GRIP1: variants seen among roughly 807,000 people sequenced by gnomAD.
The protein encoded by GRIP1 is glutamate receptor-interacting protein 1.
Under a neutral mutation model 129.9 loss-of-function variants are expected in GRIP1, and 45 were observed. The observed-to-expected ratio is 0.35, with a 90% CI of 0.27 to 0.44. GRIP1 has a LOEUF of 0.44. GRIP1 is among the 20% of genes least tolerant of loss of function. The probability of loss-of-function intolerance (pLI) is 1.00; values close to 1 mark genes in which losing one functional copy is unlikely to be tolerated. For missense variants in GRIP1, 1,196 were observed against 1,396.8 expected, an observed-to-expected ratio of 0.86 and a Z score of 2.29; for synonymous variants, 530 against 520.8, an observed-to-expected ratio of 1.02 and a Z score of -0.24.
In GRIP1 at chr12:67,023,565, C is replaced by CT. The variant is rs542073871; in HGVS notation, c.58+45484dup. On this transcript the variant is annotated intron_variant, in intron 1 of 1. Coordinates refer to the GRIP1 transcript ENST00000643019. ...ATATGCTAAATCAGTTACCTTTGTT[C>CT]TTTTTTTTTTCAGTTGTTTTTGCTA... Among the ~76,000 whole-genome samples the CT allele has an allele frequency of 9.2e-4, 136 of 148,426 alleles. 1 individual carries two copies. The South Asian group carries it at 0.012, about 13-fold the overall frequency.
chr12:66,368,283 T>C (rs1783554974), intron 23 of GRIP1, among the ~76,000 whole-genome samples: 1 of 152,202 alleles, frequency 6.6e-6, no homozygotes, highest in African/African-American at 2.4e-5. Context: ...CAGATCCTTG[T>C]CCATTCGTTC....
intron 1 of GRIP1, among the ~76,000 whole-genome samples, chr12:66,965,855 G>A (rs2041991008): frequency 6.6e-6 from 1 of 152,128 alleles, no homozygotes; most frequent in Non-Finnish European, 1.5e-5. Context: ...GAATTCCCCA[G>A]AGTTTGGATG....
Position 66,868,296 on chromosome 12 carries a change from A to G in GRIP1, c.58+200754T>C, listed in dbSNP as rs76197898. Among the ~76,000 whole-genome samples, 50 of 152,280 alleles carry G rather than the reference A, an allele frequency of 3.3e-4. 1 individual carries two copies. In the East Asian group the frequency reaches 6.6e-3, roughly 20 times the overall value. On this transcript the variant is annotated intron_variant, in intron 1 of 1. Transcript: ENST00000643019. ...AAGCAACAGAAGCCACCACTGAGATAGAGGAGAAGAAAGACAGTCCCCTTA... is the reference window on the plus strand; with the variant it reads ...AAGCAACAGAAGCCACCACTGAGATGGAGGAGAAGAAAGACAGTCCCCTTA...
chr12:66,366,526 T>C (rs965790747), intron 23 of GRIP1, among the ~76,000 whole-genome samples: 2 of 152,208 alleles, frequency 1.3e-5, no homozygotes, highest in African/African-American at 4.8e-5. Context: ...TGTCCAAGTG[T>C]CATGCCACCA....
intron 1 of GRIP1, among the ~76,000 whole-genome samples, chr12:67,031,486 T>G (rs552268557): frequency 6.6e-6 from 1 of 152,290 alleles, no homozygotes; most frequent in Non-Finnish European, 1.5e-5. Context: ...GAAATTGCTC[T>G]TTTTGAGGTG....
intron 19 of GRIP1, among the ~76,000 whole-genome samples, chr12:66,388,723 T>A (rs1008234111): frequency 2.6e-5 from 4 of 152,172 alleles, no homozygotes; most frequent in African/African-American, 9.7e-5. Flanking sequence ...CTTAAACATA[T>A]CCCTTCTTTC....
chr12:66,447,813 C>T (rs910743247), intron 11 of GRIP1, among the ~76,000 whole-genome samples: 3 of 152,210 alleles, frequency 2.0e-5, no homozygotes, highest in African/African-American at 7.2e-5. Flanking sequence ...CTTCTGCCTT[C>T]ACCATTTACT....
At chr12:66,401,257 A>T (rs1185649284) in intron 16 of GRIP1, among the ~76,000 whole-genome samples, 2 of 152,052 alleles carry the variant, frequency 1.3e-5, no homozygotes, top group Non-Finnish European at 2.9e-5. Context: ...ACTAGGTGCA[A>T]ACTTATTGGT....
intron 1 of GRIP1, among the ~76,000 whole-genome samples, chr12:66,785,735 T>C (rs1468520758): frequency 6.6e-6 from 1 of 151,988 alleles, no homozygotes; most frequent in Non-Finnish European, 1.5e-5. Flanking sequence ...AAACAAAAAC[T>C]TCATTAATAA....
chr12:66,758,280 A>T (rs565865847), intron 1 of GRIP1, among the ~76,000 whole-genome samples: 1 of 152,184 alleles, frequency 6.6e-6, no homozygotes. Context: ...AATGAGGAAC[A>T]AACAAAAGCA....
At chr12:66,440,369 T>A (rs76960576) in intron 13 of GRIP1, among the ~76,000 whole-genome samples, 11,448 of 152,162 alleles carry the variant, frequency 0.075, 1,106 homozygotes, top group East Asian at 0.23. Context: ...ATTTTTTACT[T>A]CAGTCACCCT....
At chr12:66,751,197 A>ACTTT (rs2136617185) in intron 1 of GRIP1, among the ~76,000 whole-genome samples, 1 of 152,332 alleles carries the variant, frequency 6.6e-6, no homozygotes, top group South Asian at 2.1e-4. Flanking sequence ...CCCCCAAAGT[A>ACTTT]CTTTACATTC....
At chr12:66,431,560 T>G (rs1371934927) in intron 14 of GRIP1, among the ~76,000 whole-genome samples, 6 of 152,212 alleles carry the variant, frequency 3.9e-5, no homozygotes, top group Admixed American at 1.3e-4. Context: ...GAACTTTTAT[T>G]TATTTTTTGC....
chr12:67,020,276 G>C (rs773261589), intron 1 of GRIP1, among the ~76,000 whole-genome samples: 7 of 151,982 alleles, frequency 4.6e-5, no homozygotes, highest in Non-Finnish European at 2.9e-5. Context: ...TTGGTCCTTC[G>C]GCATTTGCAT....
At chr12:66,598,683 T>C (rs2064153618) in intron 1 of GRIP1, among the ~76,000 whole-genome samples, 1 of 152,226 alleles carries the variant, frequency 6.6e-6, no homozygotes, top group African/African-American at 2.4e-5. Flanking sequence ...CCTGGGATTC[T>C]TTATAAGACT....
intron 1 of GRIP1, among the ~76,000 whole-genome samples, chr12:66,709,314 A>C (rs1404330534): frequency 6.6e-6 from 1 of 151,984 alleles, no homozygotes; most frequent in East Asian, 1.9e-4. Context: ...ATGAAAAGGG[A>C]ACACTCATGT....
chr12:66,349,867 C>T (rs1201588217), intron 24 of GRIP1, among the ~76,000 whole-genome samples: 1 of 152,114 alleles, frequency 6.6e-6, no homozygotes, highest in Non-Finnish European at 1.5e-5. Context: ...TCAGCTTATA[C>T]ATGCACCCAT....
chr12:66,516,748 A>G (rs1356834842), intron 6 of GRIP1, among the ~76,000 whole-genome samples: 1 of 152,200 alleles, frequency 6.6e-6, no homozygotes, highest in Non-Finnish European at 1.5e-5. Flanking sequence ...ACTCTTGGAC[A>G]TTTTGTTACC....
intron 1 of GRIP1, among the ~76,000 whole-genome samples, chr12:66,822,680 C>A (rs1036863996): frequency 3.9e-5 from 6 of 152,036 alleles, no homozygotes; most frequent in Non-Finnish European, 8.8e-5. Flanking sequence ...CATAAAAAAA[C>A]CAAAATGATG....
Sources: allele counts gnomAD v4.1 joint callset (sites outside exome capture counted in the v4.1 genomes callset), GRCh38; gene constraint gnomAD v4.1.1; transcripts MANE v1.5; gene names NCBI Gene and HGNC (gene_info 2026-07-23, HGNC 2026-07-21).